SMARCA2: variants seen among roughly 807,000 people sequenced by gnomAD.
SMARCA2 encodes the protein SWI/SNF-related matrix-associated actin-dependent regulator of chromatin subfamily A member 2.
A neutral mutation model predicts 199.8 loss-of-function variants in SMARCA2; 61 were observed. The ratio of observed to expected loss-of-function variants is 0.31; its 90% CI spans 0.25 to 0.38. The LOEUF (loss-of-function observed/expected upper bound fraction) is 0.38. Among genes scored for constraint, SMARCA2 ranks in the 10% least tolerant of loss-of-function variants. SMARCA2 has a pLI of 1.00. For missense variants in SMARCA2, 1,344 were observed against 2,012.2 expected (o/e 0.67, Z 6.35); for synonymous variants, 935 against 732.0 (o/e 1.28, Z -4.48).
chr9:2,099,542 A>T (rs1169636826), intron 21 of SMARCA2, among the ~76,000 whole-genome samples: 1 of 152,148 alleles, frequency 6.6e-6, no homozygotes, highest in East Asian at 1.9e-4. Context: ...ATCATGAAGG[A>T]AGCGAAGTTG....
rs201595407 is a variant in SMARCA2, at chr9:2,155,573, G to C, written c.3982-6113G>C. Among the ~76,000 whole-genome samples the C allele has an allele frequency of 1.4e-4, 21 of 152,194 alleles. No homozygotes were observed. The East Asian group carries it at 3.7e-3, about 27-fold the overall frequency. Reference sequence around the variant, plus strand: ...TGGGATTACAGGCGTGAGCCACTGCGCGGGGGCATTTTCGTTTTTCCAACC... The same window carrying C: ...TGGGATTACAGGCGTGAGCCACTGCCCGGGGGCATTTTCGTTTTTCCAACC... On this transcript the variant is annotated intron_variant, in intron 27 of 33. Transcript: ENST00000349721.
chr9:2,055,289 C>G (rs1380003943), intron 6 of SMARCA2, among the ~76,000 whole-genome samples: 1 of 152,176 alleles, frequency 6.6e-6, no homozygotes, highest in Non-Finnish European at 1.5e-5. Context: ...ATTATCTGCT[C>G]TTGTAGTTTA....
intron 27 of SMARCA2, among the ~76,000 whole-genome samples, chr9:2,128,667 AT>A (rs1167817207): frequency 6.6e-6 from 1 of 152,230 alleles, no homozygotes; most frequent in Admixed American, 6.5e-5. Context: ...ATGTAACTGT[AT>A]TTGGGATCAC....
In SMARCA2 at chr9:2,128,315, T is replaced by C. The variant is rs113201697; in HGVS notation, c.3981+4378T>C. Among the ~76,000 whole-genome samples, 40 of 152,340 alleles carry C rather than the reference T, an allele frequency of 2.6e-4. 1 individual carries two copies. The highest frequency in any genetic ancestry group is 6.7e-4 in the African/African-American group (28 of 41,580). ...TTTCATCTCATTCTTTTAGAGACCT[T>C]GATGACATGTGCTGTTGAAATCTGG... is the stretch of plus-strand genomic sequence containing the variant. On this transcript the variant is annotated intron_variant, in intron 27 of 33. Coordinates refer to ENST00000349721, the MANE Select transcript of SMARCA2 (RefSeq NM_003070.5).
intron 27 of SMARCA2, among the ~76,000 whole-genome samples, chr9:2,124,961 AG>A (rs372472617): frequency 6.6e-6 from 1 of 152,332 alleles, no homozygotes; most frequent in African/African-American, 2.4e-5. Flanking sequence ...GCAAAACAAA[AG>A]CTTTGGGGAG....
At chr9:2,165,763 A>AAGAGT (rs1254848077) in intron 28 of SMARCA2, among the ~76,000 whole-genome samples, 1 of 152,318 alleles carries the variant, frequency 6.6e-6, no homozygotes, top group Admixed American at 6.5e-5. Context: ...TTAGACGGTA[A>AAGAGT]AGAGTAGAGT....
At chr9:2,094,366 C>T (rs1822183297) in intron 19 of SMARCA2, among the ~76,000 whole-genome samples, 3 of 152,230 alleles carry the variant, frequency 2.0e-5, no homozygotes, top group Admixed American at 2.0e-4. Context: ...TCCATGGTAT[C>T]ACCATGCATG....
At chr9:2,163,751 T>C (rs910169061) in intron 28 of SMARCA2, among the ~76,000 whole-genome samples, 1 of 152,184 alleles carries the variant, frequency 6.6e-6, no homozygotes, top group Non-Finnish European at 1.5e-5. Flanking sequence ...GTTATAACAC[T>C]GAGAAGGGCC....
At chr9:2,191,653 CT>C (rs1827893990) in intron 33 of SMARCA2, 2 of 357,008 alleles carry the variant, frequency 5.6e-6, no homozygotes, top group Non-Finnish European at 1.0e-5. Context: ...TCAAGCTTCC[CT>C]TTCCCCCTTT....
chr9:2,139,754 C>T (rs1478635178), intron 27 of SMARCA2, among the ~76,000 whole-genome samples: 2 of 152,154 alleles, frequency 1.3e-5, no homozygotes, highest in African/African-American at 2.4e-5. Context: ...ATATTGTCTA[C>T]AGGAGTAACT....
intron 31 of SMARCA2, 121 bp from the exon 32 acceptor site, chr9:2,185,971 TAAAA>T (rs1827418857): frequency 1.1e-6 from 1 of 939,582 alleles, no homozygotes; most frequent in Non-Finnish European, 1.6e-6. Context: ...CATGTGGGCA[TAAAA>T]GCTAACGGTG....
chr9:2,185,962 A>C (rs558793544), intron 31 of SMARCA2, 134 bp from the exon 32 acceptor site: 3 of 835,094 alleles, frequency 3.6e-6, no homozygotes, highest in Non-Finnish European at 5.7e-6. Flanking sequence ...CTGGGTTTTC[A>C]TGTGGGCATA....
chr9:2,157,888 T>C, intron 27 of SMARCA2: 1 of 398,492 alleles, frequency 2.5e-6, no homozygotes, highest in South Asian at 1.3e-4. Context: ...AAAGATGTGG[T>C]TGGTGTGTGT....
intron 9 of SMARCA2, among the ~76,000 whole-genome samples, chr9:2,068,638 G>A (rs1209048845): frequency 2.6e-5 from 4 of 151,812 alleles, no homozygotes; most frequent in African/African-American, 7.3e-5. Context: ...ATTCTGTATC[G>A]TCATTTTTTA....
intron 21 of SMARCA2, among the ~76,000 whole-genome samples, chr9:2,101,176 A>G (rs1357406802): frequency 6.6e-6 from 1 of 152,110 alleles, no homozygotes; most frequent in Non-Finnish European, 1.5e-5. Context: ...ATTTATATAT[A>G]CATATTAATT....
At chr9:2,111,505 A>G (rs10964797) in intron 24 of SMARCA2, among the ~76,000 whole-genome samples, 18,490 of 150,432 alleles carry the variant, frequency 0.12, 1,699 homozygotes, top group East Asian at 0.33. Flanking sequence ...AAAAAAAAAA[A>G]AAAAAGAAAA....
chr9:2,030,654 C>T (rs1256864970), intron 2 of SMARCA2, among the ~76,000 whole-genome samples: 1 of 150,638 alleles, frequency 6.6e-6, no homozygotes, highest in African/African-American at 2.4e-5. Flanking sequence ...ATGATAATCT[C>T]ATCCAGGAAT....
intron 27 of SMARCA2, among the ~76,000 whole-genome samples, chr9:2,131,955 A>G (rs1037354279): frequency 6.6e-6 from 1 of 150,546 alleles, no homozygotes; most frequent in Non-Finnish European, 1.5e-5. Context: ...AAAAAAAAGG[A>G]AAAAAAAATG....
chr9:2,188,778 T>C (rs1157348296), intron 32 of SMARCA2, among the ~76,000 whole-genome samples: 2 of 152,240 alleles, frequency 1.3e-5, no homozygotes, highest in Non-Finnish European at 1.5e-5. Flanking sequence ...TGCATTCCTT[T>C]CTGGATGCTC....
Sources: gnomAD v4.1 joint callset for allele counts (sites outside exome capture counted in the v4.1 genomes callset) on GRCh38, gnomAD v4.1.1 for gene constraint, MANE v1.5 for transcripts, NCBI Gene and HGNC (gene_info 2026-07-23, HGNC 2026-07-21) for gene names.